FAM184B: variants seen among roughly 807,000 people sequenced by gnomAD.
FAM184B encodes the protein protein FAM184B.
A neutral mutation model predicts 135.9 loss-of-function variants in FAM184B; 111 were observed. The ratio of observed to expected loss-of-function variants is 0.82; its 90% confidence interval spans 0.70 to 0.96. FAM184B has a LOEUF of 0.96. Among genes scored for constraint, FAM184B ranks in the 40% least tolerant of loss-of-function variants. The pLI, the probability that FAM184B is intolerant of heterozygous loss-of-function variation, is 0.00. For missense variants in FAM184B, 1,375 were observed against 1,323.9 expected, an observed-to-expected ratio of 1.04 and a Z score of -0.60; for synonymous variants, 552 against 524.8, an observed-to-expected ratio of 1.05 and a Z score of -0.71.
rs573845646 is a variant in FAM184B, at chr4:17,638,608, G to A, written c.2666+642C>T. Among the ~76,000 whole-genome samples the A allele has an allele frequency of 7.2e-5, 11 of 152,266 alleles. No homozygotes were observed. In the South Asian group the frequency reaches 2.3e-3, roughly 32 times the overall value. The stretch of plus-strand genomic sequence containing the variant: ...ACTCCAGAGCCTAAAGCAGTGCTGG[G>A]CATACAATGGGTCCTTAACAATTAT... On this transcript the variant is annotated intron_variant, in intron 14 of 17. Transcript: ENST00000265018.
intron 1 of FAM184B, among the ~76,000 whole-genome samples, chr4:17,712,420 C>A (rs977592264): frequency 2.0e-5 from 3 of 152,102 alleles, no homozygotes; most frequent in African/African-American, 7.2e-5. Context: ...CCAAACACGA[C>A]ACTGGCTGCC....
At chr4:17,730,792 C>A (rs1029023453) in intron 1 of FAM184B, among the ~76,000 whole-genome samples, 1 of 152,074 alleles carries the variant, frequency 6.6e-6, no homozygotes, top group African/African-American at 2.4e-5. Flanking sequence ...CTACTCTGAG[C>A]TACAGGAGGA....
intron 1 of FAM184B, among the ~76,000 whole-genome samples, chr4:17,773,975 TG>T (rs1326644347): frequency 6.6e-6 from 1 of 152,208 alleles, no homozygotes; most frequent in African/African-American, 2.4e-5. Context: ...CACTTGTGTT[TG>T]GGGTAAGACA....
chr4:17,688,600 C>T (rs185888202), intron 6 of FAM184B, 69 bp from the exon 7 acceptor site: 96 of 1,184,770 alleles, frequency 8.1e-5, no homozygotes, highest in African/African-American at 5.0e-4. Context: ...GTCATTCATC[C>T]GGGAATCAAT....
intron 1 of FAM184B, among the ~76,000 whole-genome samples, chr4:17,769,786 C>T (rs1361555346): frequency 2.0e-5 from 3 of 152,158 alleles, no homozygotes; most frequent in South Asian, 4.1e-4. Flanking sequence ...AGTCTATCAA[C>T]AAATACTTGA....
At chr4:17,711,880 C>T (rs1717280611) in intron 1 of FAM184B, among the ~76,000 whole-genome samples, 1 of 152,156 alleles carries the variant, frequency 6.6e-6, no homozygotes, top group Non-Finnish European at 1.5e-5. Flanking sequence ...GTGGCTTCTA[C>T]ATTCTCAGTG....
At chr4:17,646,118 G>T (rs867933448) in intron 12 of FAM184B, among the ~76,000 whole-genome samples, 2,304 of 152,222 alleles carry the variant, frequency 0.015, 22 homozygotes, top group Middle Eastern at 0.027. Context: ...GGAACACTTT[G>T]ACACTGTTGG....
rs143453924 is a variant in FAM184B at position 17,778,520 on chromosome 4, A to G, written c.141+2639T>C. 2.0e-5 allele frequency among the ~76,000 whole-genome samples: 3 copies of G among 152,374 alleles called. No homozygotes were observed. In the East Asian group the frequency reaches 5.8e-4, roughly 29 times the overall value. On this transcript the variant is annotated intron_variant, in intron 1 of 17. Coordinates refer to ENST00000265018, the MANE Select transcript of FAM184B (RefSeq NM_015688.2). ...ATAGCAGAAAAATTGATAAAATGTC[A>G]TAAATTTAATTAACTTTTAACTATA...
At chr4:17,725,762 C>T (rs1577278372) in intron 1 of FAM184B, among the ~76,000 whole-genome samples, 4 of 152,252 alleles carry the variant, frequency 2.6e-5, no homozygotes, top group Admixed American at 1.3e-4. Context: ...AAAAGTCTTT[C>T]CTTGCCTTTT....
chr4:17,688,439 G>T lies in FAM184B; in HGVS notation c.1581C>A (p.Ser527Arg). The change falls in exon 7 of 18, where the codon AGC becomes AGA. Residue 527 changes from serine to arginine, a missense_variant. Ser to Arg is a moderately radical substitution (Grantham distance 110). Coordinates refer to ENST00000265018, the MANE Select transcript of FAM184B (RefSeq NM_015688.2). The stretch of plus-strand genomic sequence containing the variant: ...TGGAGGTTACCTGGGTCTCCAGAAT[G>T]CTGCAGTGCTGGCGGCCTAATTCCT... ...SPQELGRQHC[S>R]ILETQDPCLK... 6.5e-7 allele frequency: 1 copy of T among 1,549,638 alleles called. No individual in the cohort carries two copies.
chr4:17,732,841 C>T (rs1003771087), intron 1 of FAM184B, among the ~76,000 whole-genome samples: 1 of 152,208 alleles, frequency 6.6e-6, no homozygotes, highest in South Asian at 2.1e-4. Context: ...TTTTATGAGG[C>T]CAGCATCATC....
chr4:17,704,179 T>C (rs1717054558), intron 5 of FAM184B, among the ~76,000 whole-genome samples: 1 of 152,220 alleles, frequency 6.6e-6, no homozygotes, highest in Non-Finnish European at 1.5e-5. Flanking sequence ...AATCTTGGGC[T>C]ATAAAGAGGC....
At chr4:17,763,902 T>C (rs1385503863) in intron 1 of FAM184B, among the ~76,000 whole-genome samples, 1 of 152,160 alleles carries the variant, frequency 6.6e-6, no homozygotes, top group East Asian at 1.9e-4. Flanking sequence ...ACTTTTTTTT[T>C]GTTACTTTTT....
chr4:17,737,649 C>CT (rs1717941755), intron 1 of FAM184B, among the ~76,000 whole-genome samples: 1 of 152,134 alleles, frequency 6.6e-6, no homozygotes, highest in Admixed American at 6.5e-5. Context: ...ACTGATTTAT[C>CT]TTTCGATTTT....
chr4:17,756,312 C>T (rs941109569), intron 1 of FAM184B, among the ~76,000 whole-genome samples: 2 of 152,146 alleles, frequency 1.3e-5, no homozygotes, highest in Non-Finnish European at 1.5e-5. Context: ...CAGGAGCCAA[C>T]ACTGAAGGGT....
chr4:17,772,306 T>C (rs926158715), intron 1 of FAM184B, among the ~76,000 whole-genome samples: 1 of 152,110 alleles, frequency 6.6e-6, no homozygotes, highest in Non-Finnish European at 1.5e-5. Flanking sequence ...CCTATACCCA[T>C]CACCTCCCAT....
At chr4:17,727,501 A>G (rs1201561792) in intron 1 of FAM184B, among the ~76,000 whole-genome samples, 2 of 152,198 alleles carry the variant, frequency 1.3e-5, no homozygotes, top group Non-Finnish European at 2.9e-5. Context: ...GGTTTAATTG[A>G]CTCACAGTTC....
intron 15 of FAM184B, among the ~76,000 whole-genome samples, chr4:17,635,685 A>AC (rs1345653760): frequency 6.6e-6 from 1 of 151,942 alleles, no homozygotes; most frequent in Non-Finnish European, 1.5e-5. Flanking sequence ...TAAAAAAAAA[A>AC]AAACCCATGA....
In FAM184B at chr4:17,772,613, C is replaced by T. The variant is rs41502647; in HGVS notation, c.141+8546G>A. Among the ~76,000 whole-genome samples, 783 of 152,354 alleles carry T rather than the reference C, an allele frequency of 5.1e-3. 16 individuals are homozygous for T. The highest frequency in any genetic ancestry group is 0.018 in the African/African-American group (740 of 41,582). ...AAGCTAGACTCATCCTAAGATCTGTCTGTTGGATCTTTAGGATGGCCCAAT... is the reference window on the plus strand; with the variant it reads ...AAGCTAGACTCATCCTAAGATCTGTTTGTTGGATCTTTAGGATGGCCCAAT... On this transcript the variant is annotated intron_variant, in intron 1 of 17. Coordinates refer to ENST00000265018, the MANE Select transcript of FAM184B (RefSeq NM_015688.2).
Sources: allele counts gnomAD v4.1 joint callset (sites outside exome capture counted in the v4.1 genomes callset), GRCh38; gene constraint gnomAD v4.1.1; transcripts MANE v1.5; gene names NCBI Gene and HGNC (gene_info 2026-07-23, HGNC 2026-07-21).